CCDC73: variants seen among roughly 807,000 people sequenced by gnomAD.
The protein encoded by CCDC73 is coiled-coil domain-containing protein 73.
In CCDC73, 95 loss-of-function variants were observed where a neutral mutation model predicts 116.5. The observed-to-expected ratio is 0.82, with a 90% CI of 0.69 to 0.97. CCDC73 has a LOEUF of 0.97. CCDC73 is among the 50% of genes least tolerant of loss of function. The probability of loss-of-function intolerance (pLI) is 0.00; values close to 1 mark genes in which losing one functional copy is unlikely to be tolerated. For missense variants in CCDC73, 1,066 were observed against 1,206.8 expected (o/e 0.88, Z 1.73); for synonymous variants, 398 against 401.3 (o/e 0.99, Z 0.10).
At chr11:32,705,933 A>G (rs1367572559) in intron 3 of CCDC73, among the ~76,000 whole-genome samples, 2 of 151,800 alleles carry the variant, frequency 1.3e-5, no homozygotes, top group Non-Finnish European at 2.9e-5. Context: ...GTTTTTCTGC[A>G]GTTAGTAATC....
upstream of CCDC73, among the ~76,000 whole-genome samples, chr11:32,796,329 A>G (rs1006196642): frequency 6.6e-6 from 1 of 152,248 alleles, no homozygotes; most frequent in African/African-American, 2.4e-5. Context: ...TAAATGGACT[A>G]TGACCTTTCA....
At chr11:32,795,612 A>G (rs552108437), upstream of CCDC73, among the ~76,000 whole-genome samples, 1 of 152,310 alleles carries the variant, frequency 6.6e-6, no homozygotes, top group South Asian at 2.1e-4. Flanking sequence ...TAGTCATTCA[A>G]TAAGAATGTA....
chr11:32,672,723 G>A (rs1260716135), intron 9 of CCDC73, among the ~76,000 whole-genome samples: 3 of 152,040 alleles, frequency 2.0e-5, no homozygotes, highest in African/African-American at 7.2e-5. Context: ...ATTAAAAAGA[G>A]CCACCTCTAA....
chr11:32,816,833 G>C, the CCDC73 span, among the ~76,000 whole-genome samples: 1 of 152,024 alleles, frequency 6.6e-6, no homozygotes. Flanking sequence ...ACCTAGGCTA[G>C]AGTTCAATGG....
chr11:32,788,587 A>G lies in CCDC73; in HGVS notation c.-16+6026T>C, dbSNP rs1049568051. On this transcript the variant is annotated intron_variant, in intron 1 of 17. Coordinates refer to ENST00000335185, the MANE Select transcript of CCDC73 (RefSeq NM_001008391.4). ...CCTCCGGAGCTCATGAGATCCTCCC[A>G]CCTCAGCCTCCCAAGTAGCTGGGAC... Among the ~76,000 whole-genome samples the G allele has an allele frequency of 2.7e-5, 4 of 150,496 alleles. No homozygotes were observed. In the Admixed American group the frequency reaches 2.7e-4, roughly 10 times the overall value.
rs1565099374 is a variant in CCDC73, at chr11:32,777,013, ATATATATAT to A, written c.-15-16764_-15-16756del. The stretch of plus-strand genomic sequence containing the variant: ...TGTATATATATATATATATATATAT[ATATATATAT>A]AATTGAACTTAAAGTTAGAAGTCTT... On this transcript the variant is annotated intron_variant, in intron 1 of 17. Coordinates refer to ENST00000335185, the MANE Select transcript of CCDC73 (RefSeq NM_001008391.4). 7.4e-3 allele frequency among the ~76,000 whole-genome samples: 970 copies of A among 130,250 alleles called. 19 individuals are homozygous for A. The highest frequency in any genetic ancestry group is 0.025 in the African/African-American group (934 of 36,658). 85.4% of individuals were successfully genotyped at this position (130,250 alleles called of 152,430 possible). A position where few individuals can be genotyped will look rare whatever the true frequency, so the allele number is the denominator to read the frequency against.
At chr11:32,742,717 T>G (rs1370872201) in intron 2 of CCDC73, among the ~76,000 whole-genome samples, 1 of 152,224 alleles carries the variant, frequency 6.6e-6, no homozygotes, top group African/African-American at 2.4e-5. Context: ...GTTTTAGACA[T>G]AAAGTCTTTG....
the CCDC73 span, among the ~76,000 whole-genome samples, chr11:32,819,540 G>A: frequency 6.6e-6 from 1 of 151,066 alleles, no homozygotes; most frequent in Non-Finnish European, 1.5e-5. Flanking sequence ...ACAGCTCACT[G>A]CAGCCTTGAC....
At chr11:32,620,106 G>T (rs1855510414) in intron 14 of CCDC73, among the ~76,000 whole-genome samples, 1 of 152,122 alleles carries the variant, frequency 6.6e-6, no homozygotes, top group Non-Finnish European at 1.5e-5. Context: ...GGAGTGGTTG[G>T]CTTGATGGTT....
intron 1 of CCDC73, among the ~76,000 whole-genome samples, chr11:32,784,645 C>T (rs1850611722): frequency 6.6e-6 from 1 of 152,158 alleles, no homozygotes; most frequent in Admixed American, 6.5e-5. Context: ...TCTAAAGTAT[C>T]AGCTAAAATA....
chr11:32,709,216 C>T (rs538396284), intron 3 of CCDC73, among the ~76,000 whole-genome samples: 3 of 152,260 alleles, frequency 2.0e-5, no homozygotes, highest in South Asian at 4.1e-4. Context: ...TATTGACTTA[C>T]GTCTGTTAAA....
At chr11:32,818,514 A>G in the CCDC73 span, among the ~76,000 whole-genome samples, 1 of 152,218 alleles carries the variant, frequency 6.6e-6, no homozygotes, top group Non-Finnish European at 1.5e-5. Flanking sequence ...TCAAAACGTA[A>G]ACATAGAGTT....
chr11:32,644,865 G>A, intron 12 of CCDC73, among the ~76,000 whole-genome samples: 1 of 152,102 alleles, frequency 6.6e-6, no homozygotes, highest in East Asian at 1.9e-4. Context: ...GTAGCCTTTT[G>A]AGTCTGGCTT....
At chr11:32,654,158 T>G in intron 10 of CCDC73, 121 bp from the exon 11 acceptor site, 1 of 867,310 alleles carries the variant, frequency 1.2e-6, no homozygotes, top group Non-Finnish European at 1.6e-6. Context: ...TACCCACATT[T>G]GTTTTTTTGT....
chr11:32,661,352 C>T (rs1175576742), intron 9 of CCDC73, among the ~76,000 whole-genome samples: 1 of 152,020 alleles, frequency 6.6e-6, no homozygotes, highest in African/African-American at 2.4e-5. Context: ...GGACAACGTG[C>T]AGGTTTGTAA....
Position 32,611,122 on chromosome 11 carries a change from A to G in CCDC73, c.3030+10T>C, listed in dbSNP as rs1438436843. ...TAAGGTCTGCTCGGCAATATTTTTA[A>G]TTGACTTACATGTTCTGTGGGAAAA... is the stretch of plus-strand genomic sequence containing the variant. On this transcript the variant is annotated intron_variant, in intron 17 of 17. Transcript: ENST00000335185. 5 of 1,613,390 alleles carry G rather than the reference A, an allele frequency of 3.1e-6. No homozygotes were observed. In the South Asian group the frequency reaches 5.5e-5, roughly 18 times the overall value.
At chr11:32,635,509 A>T (rs1855669177) in intron 14 of CCDC73, among the ~76,000 whole-genome samples, 187 bp downstream of exon 14, 1 of 152,062 alleles carries the variant, frequency 6.6e-6, no homozygotes, top group South Asian at 2.1e-4. Flanking sequence ...AAATTCATAT[A>T]AAAAAATGAC....
rs114115198 is a variant in CCDC73 at position 32,705,603 on chromosome 11, G to A, written c.208-2659C>T. Among the ~76,000 whole-genome samples the A allele has an allele frequency of 7.2e-3, 1,092 of 152,242 alleles. 16 individuals carry two copies. Among genetic ancestry groups the A allele is most frequent in the African/African-American group, 0.025 (1,047 of 41,546 alleles). Reference sequence around the variant, plus strand: ...GGGATCTGGGCCAGTATCGCAAGCCGAGTGCAGCCCGCCAGGTCAAGTGAA... The same window carrying A: ...GGGATCTGGGCCAGTATCGCAAGCCAAGTGCAGCCCGCCAGGTCAAGTGAA... On this transcript the variant is annotated intron_variant, in intron 3 of 17. Coordinates refer to ENST00000335185, the MANE Select transcript of CCDC73 (RefSeq NM_001008391.4).
At chr11:32,684,506 A>G (rs933734056) in intron 6 of CCDC73, among the ~76,000 whole-genome samples, 2 of 152,216 alleles carry the variant, frequency 1.3e-5, no homozygotes, top group African/African-American at 4.8e-5. Flanking sequence ...ATGGCTACAC[A>G]GTATTCCATT....
Sources: allele counts gnomAD v4.1 joint callset (sites outside exome capture counted in the v4.1 genomes callset), GRCh38; gene constraint gnomAD v4.1.1; transcripts MANE v1.5; gene names NCBI Gene and HGNC (gene_info 2026-07-23, HGNC 2026-07-21).